Variants in TSNARE1 observed in about 807,000 individuals in gnomAD.
The protein encoded by TSNARE1 is t-SNARE domain-containing protein 1.
A neutral mutation model predicts 62.0 loss-of-function variants in TSNARE1; 49 were observed. That is an observed-to-expected ratio of 0.79 (90% CI 0.63 to 1.00). The LOEUF (loss-of-function observed/expected upper bound fraction) is 1.00, where lower values mean the gene tolerates loss of function less well. Ranked by LOEUF, TSNARE1 falls within the 50% of genes least tolerant of loss-of-function variation. The pLI is 0.00. For synonymous variants in TSNARE1, 328 were observed against 294.4 expected (o/e 1.11, Z -1.17); for missense variants, 755 against 700.1 (o/e 1.08, Z -0.88).
intron 1 of TSNARE1, among the ~76,000 whole-genome samples, chr8:142,368,830 A>G (rs1835736337): frequency 6.6e-6 from 1 of 152,204 alleles, no homozygotes; most frequent in African/African-American, 2.4e-5. Flanking sequence ...CTGTGGCCCC[A>G]GGGCATTTGT....
At chr8:142,253,664 C>G (rs1461172074) in intron 12 of TSNARE1, among the ~76,000 whole-genome samples, 1 of 152,228 alleles carries the variant, frequency 6.6e-6, no homozygotes, top group East Asian at 1.9e-4. Flanking sequence ...CCTGACATCA[C>G]CAACTTCCTT....
chr8:142,279,908 A>G, intron 11 of TSNARE1: 3 of 1,036,150 alleles, frequency 2.9e-6, no homozygotes, highest in South Asian at 2.8e-5. Flanking sequence ...CCGTGGGCAG[A>G]AAAGGTCTCT....
intron 12 of TSNARE1, chr8:142,269,842 G>A: frequency 2.0e-6 from 2 of 985,454 alleles, no homozygotes; most frequent in Non-Finnish European, 2.4e-6. Context: ...GTGCGCAGAA[G>A]GCAGCTGGAC....
At chr8:142,398,297 A>G (rs1587161977) in intron 1 of TSNARE1, among the ~76,000 whole-genome samples, 1 of 53,696 alleles carries the variant, frequency 1.9e-5, no homozygotes, top group African/African-American at 7.7e-5. Flanking sequence ...ACATGTCCCC[A>G]GCCCTGCCCA....
chr8:142,276,687 C>T lies in TSNARE1; in HGVS notation c.1364-1824G>A, dbSNP rs113853540. 6.1e-6 allele frequency: 6 copies of T among 985,440 alleles called. No homozygotes were observed. The African/African-American group carries it at 8.7e-5, about 14-fold the overall frequency. The allele number at this position is 985,440 out of a possible 1,614,324, so 61.0% of individuals were successfully genotyped here. On this transcript the variant is annotated intron_variant, in intron 11 of 13. Coordinates refer to ENST00000524325, the MANE Select transcript of TSNARE1 (RefSeq NM_145003.5). Reference sequence around the variant, plus strand: ...CCCACCCTTGGACTCAGCCTGTGCCCAATCCTGCTCTACACCTAGCCCTGG... The same window carrying T: ...CCCACCCTTGGACTCAGCCTGTGCCTAATCCTGCTCTACACCTAGCCCTGG...
intron 10 of TSNARE1, among the ~76,000 whole-genome samples, chr8:142,297,033 G>T (rs1344379941): frequency 6.6e-6 from 1 of 152,210 alleles, no homozygotes; most frequent in Non-Finnish European, 1.5e-5. Context: ...CAGCTGGCAA[G>T]TCCCTGAGGA....
At chr8:142,365,729 A>G (rs1002152543) in intron 1 of TSNARE1, among the ~76,000 whole-genome samples, 1 of 152,246 alleles carries the variant, frequency 6.6e-6, no homozygotes, top group Non-Finnish European at 1.5e-5. Context: ...TTTCCTGTTA[A>G]TCTGGCAACT....
intron 1 of TSNARE1, among the ~76,000 whole-genome samples, chr8:142,399,448 G>A (rs1048438920): frequency 2.0e-5 from 3 of 152,198 alleles, no homozygotes; most frequent in Non-Finnish European, 2.9e-5. Context: ...CACCACTGGC[G>A]CTGGGGACCG....
At chr8:142,249,749 T>C (rs893090174) in intron 12 of TSNARE1, among the ~76,000 whole-genome samples, 1 of 152,080 alleles carries the variant, frequency 6.6e-6, no homozygotes, top group Admixed American at 6.5e-5. Flanking sequence ...TCCAAGCAGA[T>C]CCCTTCAGGG....
At chr8:142,270,769 G>A in intron 12 of TSNARE1, 1 of 985,432 alleles carries the variant, frequency 1.0e-6, no homozygotes, top group Non-Finnish European at 1.2e-6. Context: ...ACGCTGGGCT[G>A]CAGACTTCGC....
At chr8:142,350,987 A>G (rs1436113376) in intron 2 of TSNARE1, among the ~76,000 whole-genome samples, 1 of 152,248 alleles carries the variant, frequency 6.6e-6, no homozygotes, top group East Asian at 1.9e-4. Context: ...CAGGTCGGGT[A>G]TGGCAGCCAA....
At chr8:142,325,327 C>T (rs1830042780) in intron 6 of TSNARE1, among the ~76,000 whole-genome samples, 1 of 152,200 alleles carries the variant, frequency 6.6e-6, no homozygotes, top group Admixed American at 6.5e-5. Context: ...GGAGGGAGGC[C>T]AGTGGAACAT....
At chr8:142,352,132 G>C (rs537675758) in intron 2 of TSNARE1, among the ~76,000 whole-genome samples, 2 of 152,228 alleles carry the variant, frequency 1.3e-5, no homozygotes, top group Non-Finnish European at 2.9e-5. Flanking sequence ...GGCCTGGATT[G>C]GGCTGTGTAA....
rs753799461 is a variant in TSNARE1 at position 142,344,075 on chromosome 8, A to T, written c.636T>A (p.Gly212=). The T allele has an allele frequency of 6.2e-7, 1 of 1,604,996 alleles. No individual in the cohort carries two copies. The highest frequency in any genetic ancestry group is 1.7e-5 in the Admixed American group (1 of 59,624). The change falls in exon 4 of 14, where the codon GGT becomes GGA. Residue 212 remains glycine (G), a synonymous_variant. Coordinates refer to ENST00000524325, the MANE Select transcript of TSNARE1 (RefSeq NM_145003.5). The part of the protein sequence containing the change: ...LRKAAHGPSP[G]SGKPQALALT... ...GAGCCAGGGCCTGGGGCTTGCCGGA[A>T]CCAGGGCTGGGGCCATGGGCCGCCT...
chr8:142,336,989 C>T (rs185775904), intron 4 of TSNARE1, among the ~76,000 whole-genome samples: 7 of 151,686 alleles, frequency 4.6e-5, no homozygotes, highest in Non-Finnish European at 1.0e-4. Context: ...AAATGTGTAT[C>T]AGTAAAGCAA....
intron 9 of TSNARE1, among the ~76,000 whole-genome samples, chr8:142,301,731 G>C (rs1261980770): frequency 6.6e-6 from 1 of 152,146 alleles, no homozygotes; most frequent in African/African-American, 2.4e-5. Context: ...AACTGAGGTG[G>C]CGGCCTGGCC....
chr8:142,357,129 T>C (rs1834809927), intron 1 of TSNARE1, among the ~76,000 whole-genome samples: 2 of 152,038 alleles, frequency 1.3e-5, no homozygotes, highest in Admixed American at 1.3e-4. Flanking sequence ...GAAGGAGAGT[T>C]CCAGAAAGAA....
intron 13 of TSNARE1, among the ~76,000 whole-genome samples, chr8:142,225,839 T>C (rs1447817291): frequency 6.6e-6 from 1 of 152,192 alleles, no homozygotes; most frequent in Non-Finnish European, 1.5e-5. Context: ...AGCCATGTGT[T>C]CTCTCATAGC....
chr8:142,253,241 G>A (rs565165664), intron 12 of TSNARE1, among the ~76,000 whole-genome samples: 2 of 152,318 alleles, frequency 1.3e-5, no homozygotes, highest in Admixed American at 1.3e-4. Context: ...CAGTGGTGAC[G>A]GCGGTGCCTG....
Sources: allele counts gnomAD v4.1 joint callset (sites outside exome capture counted in the v4.1 genomes callset), GRCh38; gene constraint gnomAD v4.1.1; transcripts MANE v1.5; gene names NCBI Gene and HGNC (gene_info 2026-07-23, HGNC 2026-07-21).